The following FBXL7 variants were observed in gnomAD, a reference collection of about 807,000 sequenced individuals.
The protein encoded by FBXL7 is F-box/LRR-repeat protein 7.
FBXL7 carries 12 observed loss-of-function variants against 38.3 expected under a neutral mutation model. The ratio of observed to expected loss-of-function variants is 0.31; its 90% CI spans 0.20 to 0.51. The LOEUF is 0.51. FBXL7 is among the 20% of genes least tolerant of loss of function. FBXL7 has a pLI of 0.98. For synonymous variants in FBXL7, 297 were observed against 300.9 expected, an observed-to-expected ratio of 0.99 and a Z score of 0.13; for missense variants, 567 against 676.4, an observed-to-expected ratio of 0.84 and a Z score of 1.79.
chr5:15,859,095 T>G (rs1451132394), intron 2 of FBXL7, among the ~76,000 whole-genome samples: 2 of 152,162 alleles, frequency 1.3e-5, no homozygotes, highest in African/African-American at 2.4e-5. Context: ...GCCATCCAAT[T>G]GTCTGTGCCC....
At chr5:15,870,869 G>A (rs1269121205) in intron 2 of FBXL7, among the ~76,000 whole-genome samples, 7 of 152,226 alleles carry the variant, frequency 4.6e-5, no homozygotes, top group Non-Finnish European at 7.4e-5. Context: ...GGGAAGGGGC[G>A]GCTGTGGGCA....
intron 2 of FBXL7, among the ~76,000 whole-genome samples, chr5:15,627,881 T>C (rs1217522051): frequency 1.3e-5 from 2 of 152,198 alleles, no homozygotes; most frequent in South Asian, 2.1e-4. Context: ...ACTAACTTCC[T>C]GAGGAAGTCC....
At chr5:15,786,529 T>C (rs528455168) in intron 2 of FBXL7, among the ~76,000 whole-genome samples, 38 of 152,330 alleles carry the variant, frequency 2.5e-4, no homozygotes, top group African/African-American at 8.2e-4. Flanking sequence ...CAGTGCCAAC[T>C]GCCTGTTCTT....
At chr5:15,795,397 CA>C (rs1422869822) in intron 2 of FBXL7, among the ~76,000 whole-genome samples, 1 of 152,148 alleles carries the variant, frequency 6.6e-6, no homozygotes. Flanking sequence ...TTCATTTGTT[CA>C]CACTGGCATT....
At chr5:15,880,357 T>A (rs1403114523) in intron 2 of FBXL7, among the ~76,000 whole-genome samples, 1 of 152,088 alleles carries the variant, frequency 6.6e-6, no homozygotes, top group East Asian at 1.9e-4. Context: ...GAGCTCCACC[T>A]CAGGAGGAGG....
chr5:15,572,709 T>C (rs957262486), intron 1 of FBXL7, among the ~76,000 whole-genome samples: 1 of 152,092 alleles, frequency 6.6e-6, no homozygotes, highest in South Asian at 2.1e-4. Flanking sequence ...TTGTGGAACA[T>C]TGACTCAGAA....
rs140069204 is a variant in FBXL7 at position 15,886,210 on chromosome 5, G to GGTGTGTGT, written c.128-41668_128-41661dup. Among the ~76,000 whole-genome samples the GGTGTGTGT allele has an allele frequency of 6.0e-3, 904 of 150,070 alleles. 16 individuals carry two copies. The highest frequency in any genetic ancestry group is 0.021 in the African/African-American group (851 of 41,118). ...AAGCAGTATCAAGAAATAATTTTGA[G>GGTGTGTGT]GTGTGTGTGTGTGTGTGTGCATGCA... On this transcript the variant is annotated intron_variant, in intron 2 of 3. Transcript: ENST00000504595.
intron 2 of FBXL7, among the ~76,000 whole-genome samples, chr5:15,785,136 G>A (rs1737101162): frequency 6.6e-6 from 1 of 152,144 alleles, no homozygotes; most frequent in African/African-American, 2.4e-5. Context: ...TGATTACAAG[G>A]TTAAAAAGAA....
chr5:15,748,254 G>GCCAA (rs1176605456), intron 2 of FBXL7, among the ~76,000 whole-genome samples: 1 of 152,212 alleles, frequency 6.6e-6, no homozygotes, highest in East Asian at 1.9e-4. Flanking sequence ...GGCCCCAGAT[G>GCCAA]CCAAAAGTGC....
intron 2 of FBXL7, among the ~76,000 whole-genome samples, chr5:15,844,768 G>C (rs1030676693): frequency 2.2e-4 from 34 of 152,066 alleles, no homozygotes; most frequent in Non-Finnish European, 7.4e-5. Context: ...AGGAAGCCAA[G>C]GCAGGTGTGC....
At chr5:15,764,911 G>A (rs1370332511) in intron 2 of FBXL7, among the ~76,000 whole-genome samples, 1 of 152,126 alleles carries the variant, frequency 6.6e-6, no homozygotes, top group African/African-American at 2.4e-5. Flanking sequence ...AAGCCAAGAG[G>A]CAAATTGCAA....
At chr5:15,721,210 G>A (rs1744185590) in intron 2 of FBXL7, among the ~76,000 whole-genome samples, 1 of 151,886 alleles carries the variant, frequency 6.6e-6, no homozygotes. Context: ...TTTTATTTCT[G>A]GCTTATAGAC....
intron 1 of FBXL7, among the ~76,000 whole-genome samples, chr5:15,586,268 C>A (rs1205000233): frequency 9.3e-6 from 1 of 107,068 alleles, no homozygotes; most frequent in South Asian, 4.3e-4. Flanking sequence ...CCCCTCCCCT[C>A]CCCCCTCCCC....
chr5:15,702,231 C>G (rs867586041), intron 2 of FBXL7, among the ~76,000 whole-genome samples: 19 of 95,358 alleles, frequency 2.0e-4, no homozygotes, highest in Middle Eastern at 5.0e-3. Flanking sequence ...AGCGAGACTC[C>G]TCTCAAAAAA....
chr5:15,629,740 G>C (rs773426396), intron 2 of FBXL7, among the ~76,000 whole-genome samples: 3 of 152,078 alleles, frequency 2.0e-5, no homozygotes, highest in African/African-American at 7.2e-5. Context: ...GGCTACTGGA[G>C]TATTTGTCAT....
chr5:15,567,382 C>A (rs1272194728), intron 1 of FBXL7, among the ~76,000 whole-genome samples: 1 of 151,888 alleles, frequency 6.6e-6, no homozygotes, highest in Non-Finnish European at 1.5e-5. Context: ...TTTTTTCTTC[C>A]AAGCTGTAAA....
At chr5:15,922,171 A>G (rs535464170) in intron 2 of FBXL7, among the ~76,000 whole-genome samples, 1 of 151,428 alleles carries the variant, frequency 6.6e-6, no homozygotes, top group African/African-American at 2.4e-5. Context: ...TATATGTTAT[A>G]TATATGAAAT....
intron 2 of FBXL7, 48 bp from the exon 3 acceptor site, chr5:15,927,842 C>T (rs758626802): frequency 2.8e-6 from 4 of 1,434,596 alleles, no homozygotes; most frequent in Non-Finnish European, 3.7e-6. Flanking sequence ...CTCCCTGGGG[C>T]TCTGCTGAGG....
chr5:15,657,238 T>C (rs1284670969), intron 2 of FBXL7, among the ~76,000 whole-genome samples: 1 of 152,174 alleles, frequency 6.6e-6, no homozygotes, highest in African/African-American at 2.4e-5. Flanking sequence ...TTATAAAGTA[T>C]ATATGGAAGA....
Sources: gnomAD v4.1 joint callset for allele counts (sites outside exome capture counted in the v4.1 genomes callset) on GRCh38, gnomAD v4.1.1 for gene constraint, MANE v1.5 for transcripts, NCBI Gene and HGNC (gene_info 2026-07-23, HGNC 2026-07-21) for gene names.